WDFY3: variants seen among roughly 807,000 people sequenced by gnomAD.
WDFY3 encodes the protein WD repeat and FYVE domain-containing protein 3.
A neutral mutation model predicts 409.6 loss-of-function variants in WDFY3; 66 were observed. The observed-to-expected ratio is 0.16, with a 90% CI of 0.13 to 0.20. The LOEUF is 0.20. Among genes scored for constraint, WDFY3 ranks in the 10% least tolerant of loss-of-function variants. The pLI, the probability that WDFY3 is intolerant of heterozygous loss-of-function variation, is 1.00. For missense variants in WDFY3, 3,031 were observed against 4,298.1 expected (o/e 0.71, Z 8.24); for synonymous variants, 1,521 against 1,537.1 (o/e 0.99, Z 0.25).
chr4:84,844,639 C>A, intron 5 of WDFY3: 1 of 632,300 alleles, frequency 1.6e-6, no homozygotes, highest in South Asian at 1.8e-5. Context: ...TTGGGGATTG[C>A]ACTACTAGGT....
intron 62 of WDFY3, among the ~76,000 whole-genome samples, chr4:84,686,423 TAATC>T (rs1466236394): frequency 6.6e-5 from 10 of 152,266 alleles, no homozygotes; most frequent in Non-Finnish European, 1.5e-4. Flanking sequence ...CTGCCATTAT[TAATC>T]AAACACTCTA....
intron 1 of WDFY3, among the ~76,000 whole-genome samples, chr4:84,948,477 T>C (rs867383049): frequency 1.3e-5 from 2 of 152,230 alleles, no homozygotes; most frequent in Admixed American, 1.3e-4. Flanking sequence ...AAGCCCAGCC[T>C]GTCTCTGCTC....
In WDFY3 at chr4:84,696,015, T is replaced by A. The variant is rs34188923; in HGVS notation, c.8856A>T (p.Thr2952=). 11 of 1,614,214 alleles carry A rather than the reference T, an allele frequency of 6.8e-6. No individual in the cohort carries two copies. The highest frequency in any genetic ancestry group is 1.1e-5 in the South Asian group (1 of 91,086). ...IYNINDPLKE[T]ATIGFINNFG... is the part of the protein sequence containing the mutation. The stretch of plus-strand genomic sequence containing the variant: ...AGTTATTAATGAACCCAATTGTGGC[T>A]GTCTCCTTTAGTGGGTCATTGATGT... The change falls in exon 58 of 68, where the codon ACA becomes ACT. Residue 2952 remains threonine, a synonymous_variant. Transcript: ENST00000295888.
rs931230991 is a variant in WDFY3, at chr4:84,671,993, T to C, written c.*875A>G. 2 of 152,256 alleles carry C rather than the reference T, an allele frequency of 1.3e-5. No homozygotes were observed. Among genetic ancestry groups the C allele is most frequent in the Non-Finnish European group, 2.9e-5 (2 of 68,052 alleles). 9.4% of individuals were successfully genotyped at this position (152,256 alleles called of 1,614,324 possible). Reference sequence around the variant, plus strand: ...GCACTACACTGGTCATCTGACCACCTTTCTGCAATGCTAAGAAGGTATTCT... The same window carrying C: ...GCACTACACTGGTCATCTGACCACCCTTCTGCAATGCTAAGAAGGTATTCT... On this transcript the variant is annotated 3_prime_UTR_variant, in exon 68 of 68. Coordinates refer to ENST00000295888, the MANE Select transcript of WDFY3 (RefSeq NM_014991.6).
chr4:84,861,702 A>G lies in WDFY3; in HGVS notation c.-31-1080T>C, dbSNP rs148057153. Among the ~76,000 whole-genome samples the G allele has an allele frequency of 6.7e-3, 1,024 of 152,350 alleles. 42 individuals carry two copies. The highest frequency in any genetic ancestry group is 0.059 in the Admixed American group (897 of 15,298). On this transcript the variant is annotated intron_variant, in intron 3 of 67. Transcript: ENST00000295888. ...TTCAGATAAAGGTGTATTACTGTGT[A>G]CTGAATCATAATGCAAAATGTATCC...
chr4:84,759,142 T>C (rs921600391), intron 32 of WDFY3, among the ~76,000 whole-genome samples: 1 of 152,210 alleles, frequency 6.6e-6, no homozygotes, highest in African/African-American at 2.4e-5. Context: ...CTGAGGGCTG[T>C]GTTCTGTTCC....
Position 84,786,059 on chromosome 4 carries a change from C to T in WDFY3, c.3982G>A (p.Ala1328Thr). The T allele has an allele frequency of 6.2e-7, 1 of 1,613,962 alleles. No individual in the cohort carries two copies. Among genetic ancestry groups the T allele is most frequent in the South Asian group, 1.1e-5 (1 of 91,048 alleles). Reference sequence around the variant, plus strand: ...ACTGTTAGAGACGACACAGAGAGTGCATAGAGGCCAAATGACACTTTCTCC... The same window carrying T: ...ACTGTTAGAGACGACACAGAGAGTGTATAGAGGCCAAATGACACTTTCTCC... ...PEEKVSFGLY[A>T]LSVSSLTVAR... Residue 1328 changes from alanine (A) to threonine (T), a missense_variant, in exon 24 of 68, where the codon GCA becomes ACA. Transcript: ENST00000295888.
intron 2 of WDFY3, among the ~76,000 whole-genome samples, chr4:84,921,566 A>C (rs1769278477): frequency 6.6e-6 from 1 of 151,312 alleles, no homozygotes; most frequent in Non-Finnish European, 1.5e-5. Flanking sequence ...ATCAAATGTT[A>C]CTTGAGGACA....
At chr4:84,900,817 G>A (rs2150611096) in intron 2 of WDFY3, among the ~76,000 whole-genome samples, 1 of 152,324 alleles carries the variant, frequency 6.6e-6, no homozygotes, top group East Asian at 1.9e-4. Flanking sequence ...CCACAAAAAG[G>A]TGAATTTTAC....
intron 38 of WDFY3, 41 bp downstream of exon 38, chr4:84,741,720 G>A: frequency 1.3e-6 from 2 of 1,511,654 alleles, no homozygotes; most frequent in East Asian, 2.3e-5. Context: ...AGGCAAAACA[G>A]GAAAACATGT....
chr4:84,869,046 T>C (rs994093110), intron 3 of WDFY3, among the ~76,000 whole-genome samples: 7 of 152,234 alleles, frequency 4.6e-5, no homozygotes, highest in Non-Finnish European at 8.8e-5. Context: ...ATACGTTTGC[T>C]AACCTGTAGT....
chr4:84,743,776 T>C lies in WDFY3; in HGVS notation c.5997A>G (p.Arg1999=). The C allele has an allele frequency of 6.3e-7, 1 of 1,589,818 alleles. No individual in the cohort carries two copies. The highest frequency in any genetic ancestry group is 1.1e-5 in the South Asian group (1 of 87,476). Residue 1999 remains arginine (R), a synonymous_variant, in exon 37 of 68, where the codon AGA becomes AGG. Coordinates refer to ENST00000295888, the MANE Select transcript of WDFY3 (RefSeq NM_014991.6). ...AAGTTTGAAATTCTTTTTGCTGAGT[T>C]CTTGTAGACCTTTCAGGGGAAGCCT... is the stretch of plus-strand genomic sequence containing the variant. ...LLEASPERST[R]TQQKEFQTYI...
chr4:84,821,587 A>T (rs1189634349), intron 10 of WDFY3, 36 bp from the exon 11 acceptor site: 1 of 1,540,834 alleles, frequency 6.5e-7, no homozygotes, highest in Non-Finnish European at 8.8e-7. Flanking sequence ...AGTAGGTACT[A>T]TGTGATATTT....
intron 1 of WDFY3, among the ~76,000 whole-genome samples, chr4:84,946,173 C>T (rs1037329627): frequency 1.3e-5 from 2 of 152,172 alleles, no homozygotes; most frequent in Non-Finnish European, 2.9e-5. Flanking sequence ...AGAAACAGAA[C>T]CCTGATAAGC....
chr4:84,820,294 CT>C (rs1040792542), intron 11 of WDFY3, 108 bp from the exon 12 acceptor site: 2 of 817,878 alleles, frequency 2.4e-6, no homozygotes, highest in African/African-American at 1.8e-5. Context: ...AGTTTTACCC[CT>C]AATAGGACAG....
At chr4:84,804,893 C>G (rs908069458) in intron 15 of WDFY3, among the ~76,000 whole-genome samples, 1 of 152,092 alleles carries the variant, frequency 6.6e-6, no homozygotes, top group Non-Finnish European at 1.5e-5. Flanking sequence ...ATTACTGATA[C>G]ACTCAGGAAG....
At chr4:84,844,576 G>C in intron 5 of WDFY3, 6 of 1,221,132 alleles carry the variant, frequency 4.9e-6, no homozygotes, top group Non-Finnish European at 6.5e-6. Context: ...CCCACCACAA[G>C]AGTACTGGGG....
intron 17 of WDFY3, among the ~76,000 whole-genome samples, chr4:84,799,072 G>C (rs1250390267): frequency 6.6e-6 from 1 of 152,036 alleles, no homozygotes; most frequent in African/African-American, 2.4e-5. Context: ...CACCATATTT[G>C]TTTTTCTTGT....
At chr4:84,677,835 C>A (rs1056234703) in intron 66 of WDFY3, among the ~76,000 whole-genome samples, 1 of 151,240 alleles carries the variant, frequency 6.6e-6, no homozygotes, top group Admixed American at 6.6e-5. Flanking sequence ...TGATGGTGCA[C>A]GCCTATAGTC....
Sources: gnomAD v4.1 joint callset for allele counts (sites outside exome capture counted in the v4.1 genomes callset) on GRCh38, gnomAD v4.1.1 for gene constraint, MANE v1.5 for transcripts, NCBI Gene and HGNC (gene_info 2026-07-23, HGNC 2026-07-21) for gene names.